Variants in NAV2 observed in about 807,000 individuals in gnomAD.
NAV2 encodes helicase, APC down-regulated 1.
NAV2 carries 54 observed loss-of-function variants against 223.2 expected under a neutral mutation model. That is an observed-to-expected ratio of 0.24 (90% confidence interval 0.19 to 0.30). The LOEUF is 0.30. Among genes scored for constraint, NAV2 ranks in the 10% least tolerant of loss-of-function variants. The pLI, the probability that NAV2 is intolerant of heterozygous loss-of-function variation, is 1.00. For missense variants in NAV2, 2,806 were observed against 3,147.5 expected, an observed-to-expected ratio of 0.89 and a Z score of 2.60; for synonymous variants, 1,279 against 1,239.3, an observed-to-expected ratio of 1.03 and a Z score of -0.67.
At chr11:20,043,100 G>T (rs1266679640) in intron 12 of NAV2, among the ~76,000 whole-genome samples, 1 of 152,122 alleles carries the variant, frequency 6.6e-6, no homozygotes, top group Non-Finnish European at 1.5e-5. Flanking sequence ...CTCCGCATTT[G>T]GGGGAAGTAG....
At chr11:19,571,471 C>A (rs948576204) in intron 1 of NAV2, among the ~76,000 whole-genome samples, 1 of 152,174 alleles carries the variant, frequency 6.6e-6, no homozygotes, top group Non-Finnish European at 1.5e-5. Flanking sequence ...ACTTTGGAGG[C>A]CAAGGTGGGT....
intron 1 of NAV2, among the ~76,000 whole-genome samples, chr11:19,780,703 G>A (rs982066930): frequency 1.5e-4 from 23 of 152,164 alleles, no homozygotes; most frequent in Non-Finnish European, 5.9e-5. Context: ...AAATGTATCC[G>A]GATTTGAGCT....
At chr11:19,449,024 G>A (rs1851691217) in intron 1 of NAV2, among the ~76,000 whole-genome samples, 1 of 152,114 alleles carries the variant, frequency 6.6e-6, no homozygotes, top group Non-Finnish European at 1.5e-5. Context: ...AATGCAATTT[G>A]TATAGCATGA....
chr11:20,110,312 T>G (rs2062511878), intron 36 of NAV2, among the ~76,000 whole-genome samples: 1 of 152,222 alleles, frequency 6.6e-6, no homozygotes, highest in Non-Finnish European at 1.5e-5. Context: ...GCCATCCTGA[T>G]CAGCCCAGGA....
At chr11:19,802,755 G>A (rs1027134248) in intron 1 of NAV2, among the ~76,000 whole-genome samples, 1 of 151,176 alleles carries the variant, frequency 6.6e-6, no homozygotes, top group Non-Finnish European at 1.5e-5. Flanking sequence ...TTTCATCCTG[G>A]AGAATGGTTT....
At chr11:19,582,727 C>G (rs1032301274) in intron 1 of NAV2, among the ~76,000 whole-genome samples, 29 of 152,074 alleles carry the variant, frequency 1.9e-4, no homozygotes, top group Admixed American at 1.8e-3. Context: ...TGGTCTATAT[C>G]TCTGTTTTGG....
rs1027803728 is a variant in NAV2 at position 19,697,523 on chromosome 11, T to C, written c.76-134961T>C. 4.6e-5 allele frequency among the ~76,000 whole-genome samples: 7 copies of C among 151,852 alleles called. 1 individual carries two copies. The highest frequency in any genetic ancestry group is 1.0e-4 in the Non-Finnish European group (7 of 67,972). Reference sequence around the variant, plus strand: ...AAGATAGTTCTTTTTTTTTTTTATTTCAGATTTTATTATAGAGGAAAGATT... The same window carrying C: ...AAGATAGTTCTTTTTTTTTTTTATTCCAGATTTTATTATAGAGGAAAGATT... On this transcript the variant is annotated intron_variant, in intron 1 of 37. Coordinates refer to the NAV2 transcript ENST00000360655.
intron 11 of NAV2, among the ~76,000 whole-genome samples, chr11:20,005,263 T>A (rs1165348327): frequency 1.5e-5 from 2 of 130,500 alleles, no homozygotes; most frequent in Admixed American, 7.5e-5. Context: ...ATTTTTTTTT[T>A]TTTTTGAGAT....
intron 1 of NAV2, among the ~76,000 whole-genome samples, chr11:19,384,349 A>C (rs762164826): frequency 6.6e-6 from 1 of 152,232 alleles, no homozygotes; most frequent in Non-Finnish European, 1.5e-5. Context: ...AGTTATAAAA[A>C]GTTATTTTTT....
At chr11:19,668,458 G>C (rs567942125) in intron 1 of NAV2, among the ~76,000 whole-genome samples, 301 of 147,134 alleles carry the variant, frequency 2.0e-3, no homozygotes, top group Non-Finnish European at 3.4e-3. Context: ...TCTTGAACCT[G>C]GGAGGTGGAA....
intron 12 of NAV2, among the ~76,000 whole-genome samples, chr11:20,041,552 C>G (rs1260773962): frequency 5.9e-5 from 9 of 152,104 alleles, no homozygotes; most frequent in Non-Finnish European, 1.2e-4. Flanking sequence ...AATGCAGTAA[C>G]CCAGGATGTG....
intron 1 of NAV2, among the ~76,000 whole-genome samples, chr11:19,793,920 G>C (rs979449893): frequency 6.6e-6 from 1 of 152,024 alleles, no homozygotes; most frequent in African/African-American, 2.4e-5. Context: ...TTTTATCCTC[G>C]GAGAGGCCGC....
chr11:19,451,565 A>G (rs2133793847), intron 1 of NAV2, among the ~76,000 whole-genome samples: 1 of 152,336 alleles, frequency 6.6e-6, no homozygotes, highest in Non-Finnish European at 1.5e-5. Flanking sequence ...AGATTTTAAA[A>G]ACCAAGTTCG....
chr11:19,583,068 A>AAG, intron 1 of NAV2, among the ~76,000 whole-genome samples: 1 of 152,302 alleles, frequency 6.6e-6, no homozygotes, highest in East Asian at 1.9e-4. Context: ...AGTGGTTTGT[A>AAG]GTTCTCCTTG....
At chr11:20,077,305 A>T (rs1162594569) in intron 22 of NAV2, among the ~76,000 whole-genome samples, 1 of 152,014 alleles carries the variant, frequency 6.6e-6, no homozygotes, top group Non-Finnish European at 1.5e-5. Flanking sequence ...GAGAGGGAAG[A>T]ACATTTCAGG....
At chr11:20,020,458 A>T (rs1431481580) in intron 11 of NAV2, among the ~76,000 whole-genome samples, 1 of 152,208 alleles carries the variant, frequency 6.6e-6, no homozygotes, top group Admixed American at 6.5e-5. Context: ...GAGTTGGTTT[A>T]CTTTCCCTTT....
At chr11:19,623,040 A>T (rs1017060427) in intron 1 of NAV2, among the ~76,000 whole-genome samples, 1 of 152,154 alleles carries the variant, frequency 6.6e-6, no homozygotes, top group African/African-American at 2.4e-5. Flanking sequence ...GTTTGGCTGG[A>T]TATGAAATTC....
intron 6 of NAV2, among the ~76,000 whole-genome samples, chr11:19,909,768 A>C (rs2043158540): frequency 6.6e-6 from 1 of 152,144 alleles, no homozygotes; most frequent in African/African-American, 2.4e-5. Flanking sequence ...AATTAGTGAC[A>C]TCAGACGAAG....
intron 10 of NAV2, among the ~76,000 whole-genome samples, chr11:19,983,009 G>T (rs2050435872): frequency 6.6e-6 from 1 of 152,118 alleles, no homozygotes; most frequent in Non-Finnish European, 1.5e-5. Flanking sequence ...CATATTACTT[G>T]ATTTGAAATG....
Sources: allele counts gnomAD v4.1 joint callset (sites outside exome capture counted in the v4.1 genomes callset), GRCh38; gene constraint gnomAD v4.1.1; transcripts MANE v1.5; gene names NCBI Gene and HGNC (gene_info 2026-07-23, HGNC 2026-07-21).